Variants in RUBCNL observed in about 807,000 individuals in gnomAD.
RUBCNL encodes the protein protein associated with UVRAG as autophagy enhancer.
In RUBCNL, 62 loss-of-function variants were observed where a neutral mutation model predicts 69.5. The ratio of observed to expected loss-of-function variants is 0.89; its 90% CI spans 0.73 to 1.10. The LOEUF (loss-of-function observed/expected upper bound fraction) is 1.10, where lower values mean the gene tolerates loss of function less well. Ranked by LOEUF, RUBCNL falls within the 50% of genes least tolerant of loss-of-function variation. RUBCNL has a pLI of 0.00. For missense variants in RUBCNL, 768 were observed against 798.1 expected (o/e 0.96, Z 0.45); for synonymous variants, 291 against 303.6 (o/e 0.96, Z 0.43).
At position 46,349,400 on chromosome 13, in the gene RUBCNL, G is replaced by C. The variant is rs996510783; in HGVS notation, c.1570-53C>G. On this transcript the variant is annotated intron_variant, in intron 11 of 14. Coordinates refer to ENST00000429979, the MANE Select transcript of RUBCNL (RefSeq NM_025113.5). ...AAGTTAAATGTAATAAATGACACGG[G>C]AAAAGTGCAAGTCAAATTTAAATGT... The C allele has an allele frequency of 4.0e-6, 6 of 1,495,446 alleles. No individual in the cohort carries two copies. In the African/African-American group the frequency reaches 8.3e-5, roughly 21 times the overall value. 92.6% of individuals were successfully genotyped at this position (1,495,446 alleles called of 1,614,324 possible).
chr13:46,359,245 G>A (rs2048557393), intron 9 of RUBCNL, among the ~76,000 whole-genome samples: 1 of 151,556 alleles, frequency 6.6e-6, no homozygotes, highest in East Asian at 1.9e-4. Flanking sequence ...GACAATTAGG[G>A]TTGCATAGCT....
intron 1 of RUBCNL, among the ~76,000 whole-genome samples, chr13:46,382,076 T>C (rs138882867): frequency 0.01 from 1,577 of 152,232 alleles, 27 homozygotes; most frequent in African/African-American, 0.037. Context: ...GCTGGGATTA[T>C]AGGCAAGAGC....
chr13:46,337,973 A>G lies in RUBCNL; in HGVS notation c.*5412T>C, dbSNP rs1268867685. On this transcript the variant is annotated 3_prime_UTR_variant, in exon 15 of 15. Transcript: ENST00000429979. The stretch of plus-strand genomic sequence containing the variant: ...AAGAGACTTTCAAGGGCAGATAGAA[A>G]GGATCAAAGGCTGCCAAAAGTTCAG... Among the ~76,000 whole-genome samples, 3 of 152,148 alleles carry G rather than the reference A, an allele frequency of 2.0e-5. No individual in the cohort carries two copies. Among genetic ancestry groups the G allele is most frequent in the Non-Finnish European group, 4.4e-5 (3 of 68,020 alleles).
chr13:46,382,961 T>C (rs1007851043), intron 1 of RUBCNL, among the ~76,000 whole-genome samples: 1 of 152,264 alleles, frequency 6.6e-6, no homozygotes, highest in African/African-American at 2.4e-5. Context: ...TAGAAATATA[T>C]ATACAGAAGT....
chr13:46,358,577 C>T (rs1455509756), intron 9 of RUBCNL, among the ~76,000 whole-genome samples: 4 of 152,000 alleles, frequency 2.6e-5, no homozygotes, highest in South Asian at 2.1e-4. Flanking sequence ...GTTTTGAGAT[C>T]GAGTCTCGCT....
chr13:46,348,959 C>T (rs2138686509), intron 12 of RUBCNL, among the ~76,000 whole-genome samples: 1 of 152,266 alleles, frequency 6.6e-6, no homozygotes, highest in South Asian at 2.1e-4. Context: ...TTGCCTGCCA[C>T]CATGTAAGAC....
chr13:46,350,088 G>C, intron 11 of RUBCNL, 25 bp downstream of exon 11: 1 of 1,497,638 alleles, frequency 6.7e-7, no homozygotes, highest in South Asian at 1.2e-5. Flanking sequence ...CCAATGAGAG[G>C]GATGGGGTTG....
In RUBCNL at chr13:46,356,469, A is replaced by C; in HGVS notation, c.1293T>G (p.Asn431Lys). Residue 431 changes from asparagine (N) to lysine (K), a missense_variant, in exon 10 of 15, where the codon AAT becomes AAG. Asn to Lys is a moderately conservative substitution (Grantham distance 94). Coordinates refer to ENST00000429979, the MANE Select transcript of RUBCNL (RefSeq NM_025113.5). ...GAGTTCCACAGCCGGCACAGAAAAA[A>C]TTCTGGGCTGCCACCACAAGGTCCC... Reference protein sequence around the residue: ...LKRDLVVAAQNFFCAGCGTPV... With the variant: ...LKRDLVVAAQKFFCAGCGTPV... 6.2e-7 allele frequency: 1 copy of C among 1,613,980 alleles called. No individual in the cohort carries two copies. Among genetic ancestry groups the C allele is most frequent in the Non-Finnish European group, 8.5e-7 (1 of 1,179,880 alleles).
At chr13:46,381,730 G>A (rs141877252) in intron 1 of RUBCNL, among the ~76,000 whole-genome samples, 101 of 152,248 alleles carry the variant, frequency 6.6e-4, no homozygotes, top group African/African-American at 2.3e-3. Context: ...TTACAGGCAT[G>A]CGCCACCACG....
At chr13:46,364,778 G>A (rs755025833) in intron 5 of RUBCNL, among the ~76,000 whole-genome samples, 3 of 149,362 alleles carry the variant, frequency 2.0e-5, no homozygotes, top group Admixed American at 6.7e-5. Flanking sequence ...AACATCTATT[G>A]CCACAAATGT....
At chr13:46,364,426 T>C (rs1382399121) in intron 5 of RUBCNL, among the ~76,000 whole-genome samples, 1 of 152,088 alleles carries the variant, frequency 6.6e-6, no homozygotes, top group Non-Finnish European at 1.5e-5. Context: ...TGAAGGGTTT[T>C]ACAGTAGGCT....
intron 14 of RUBCNL, 21 bp from the exon 15 acceptor site, chr13:46,343,518 C>T (rs373268049): frequency 2.7e-5 from 44 of 1,607,988 alleles, no homozygotes; most frequent in African/African-American, 9.4e-5. Context: ...GGAAGAGAGC[C>T]GTTAGCAAAC....
chr13:46,364,015 AC>A (rs2048691847), intron 5 of RUBCNL, among the ~76,000 whole-genome samples: 1 of 151,654 alleles, frequency 6.6e-6, no homozygotes, highest in Non-Finnish European at 1.5e-5. Context: ...AATTTGTAAA[AC>A]TGTCTTCATT....
intron 3 of RUBCNL, 32 bp downstream of exon 3, chr13:46,371,909 G>C: frequency 6.2e-7 from 1 of 1,606,610 alleles, no homozygotes; most frequent in Non-Finnish European, 8.5e-7. Context: ...TGTGAACAGA[G>C]AGGAATGAGG....
chr13:46,388,129 G>T (rs1034010395), upstream of RUBCNL, among the ~76,000 whole-genome samples: 4 of 150,392 alleles, frequency 2.7e-5, no homozygotes, highest in African/African-American at 7.4e-5. Flanking sequence ...GGAGCAACCC[G>T]GGAGGCGGAG....
Position 46,368,154 on chromosome 13 carries a change from A to T in RUBCNL, c.714T>A (p.Ser238Arg), listed in dbSNP as rs1178441128. 6.2e-7 allele frequency: 1 copy of T among 1,613,724 alleles called. No homozygotes were observed. Among genetic ancestry groups the T allele is most frequent in the African/African-American group, 1.3e-5 (1 of 74,858 alleles). Residue 238 changes from serine to arginine, a missense_variant, in exon 5 of 15, where the codon AGT becomes AGA. By Grantham distance (110) the Ser-to-Arg change is moderately radical. Transcript: ENST00000429979. The part of the protein sequence containing the change: ...ILSQQQTESW[S>R]KEVSGLLGSD... ...TCCCAAGTAACCCACTGACTTCTTT[A>T]CTCCAGCTCTCTGTCTGCTGTTGAC...
chr13:46,360,056 C>A (rs183065875), intron 8 of RUBCNL, among the ~76,000 whole-genome samples: 3 of 152,294 alleles, frequency 2.0e-5, no homozygotes, highest in Admixed American at 2.0e-4. Context: ...TTCAGTGCCT[C>A]CCCGCTGAAC....
At chr13:46,379,122 A>G (rs898539903) in intron 1 of RUBCNL, among the ~76,000 whole-genome samples, 1 of 152,244 alleles carries the variant, frequency 6.6e-6, no homozygotes, top group South Asian at 2.1e-4. Flanking sequence ...CAGAGTTTCC[A>G]TCTTGTTGCC....
intron 8 of RUBCNL, 150 bp downstream of exon 8, chr13:46,361,291 A>G: frequency 1.4e-6 from 1 of 697,998 alleles, no homozygotes; most frequent in Non-Finnish European, 2.4e-6. Flanking sequence ...CACAATAAGT[A>G]CTCAACACAT....
Sources: allele counts gnomAD v4.1 joint callset (sites outside exome capture counted in the v4.1 genomes callset), GRCh38; gene constraint gnomAD v4.1.1; transcripts MANE v1.5; gene names NCBI Gene and HGNC (gene_info 2026-07-23, HGNC 2026-07-21).